Variants in DCAF6 observed in about 807,000 individuals in gnomAD.
DCAF6 encodes DDB1 and CUL4 associated factor 6, also known as DDB1- and CUL4-associated factor 6.
Under a neutral mutation model 125.1 loss-of-function variants are expected in DCAF6, and 54 were observed. That is an observed-to-expected ratio of 0.43 (90% confidence interval 0.35 to 0.54). The LOEUF is 0.54. Ranked by LOEUF, DCAF6 falls within the 20% of genes least tolerant of loss-of-function variation. The probability of loss-of-function intolerance (pLI) is 0.01; values close to 1 mark genes in which losing one functional copy is unlikely to be tolerated. For synonymous variants in DCAF6, 371 were observed against 390.4 expected (o/e 0.95, Z 0.58); for missense variants, 934 against 1,161.7 (o/e 0.80, Z 2.85).
intron 17 of DCAF6, among the ~76,000 whole-genome samples, chr1:168,053,017 T>C (rs968625143): frequency 2.6e-5 from 4 of 152,214 alleles, no homozygotes; most frequent in African/African-American, 9.6e-5. Flanking sequence ...CAGAGGACTA[T>C]TGGAGTTCTC....
chr1:168,071,032 G>A (rs1457723282), intron 21 of DCAF6, among the ~76,000 whole-genome samples: 3 of 152,186 alleles, frequency 2.0e-5, no homozygotes, highest in South Asian at 2.1e-4. Flanking sequence ...TTATTAAATC[G>A]TTCACAGATT....
the DCAF6 span, among the ~76,000 whole-genome samples, chr1:167,881,114 T>A: frequency 6.6e-6 from 1 of 152,326 alleles, no homozygotes; most frequent in East Asian, 1.9e-4. Flanking sequence ...ATTAATGTGT[T>A]ATATATATTC....
the DCAF6 span, chr1:167,880,243 T>C: frequency 9.8e-5 from 146 of 1,486,556 alleles, no homozygotes; most frequent in Middle Eastern, 1.7e-4. Context: ...ATAATGAGCG[T>C]AGAGAAAGTG....
At chr1:167,864,628 A>G in the DCAF6 span, among the ~76,000 whole-genome samples, 1 of 152,166 alleles carries the variant, frequency 6.6e-6, no homozygotes, top group Non-Finnish European at 1.5e-5. Flanking sequence ...TCAAAGAGAG[A>G]AAGAAAAATA....
chr1:167,977,398 A>C (rs896930382), intron 4 of DCAF6, among the ~76,000 whole-genome samples: 4 of 151,986 alleles, frequency 2.6e-5, no homozygotes, highest in Admixed American at 2.6e-4. Context: ...ACTGTATTTC[A>C]GATGGTATTC....
At chr1:168,044,808 T>C (rs1688959481) in intron 15 of DCAF6, 92 bp from the exon 16 acceptor site, 9 of 1,460,826 alleles carry the variant, frequency 6.2e-6, no homozygotes, top group Non-Finnish European at 8.5e-6. Context: ...TTAGACATCA[T>C]ATTAGAATGT....
At chr1:167,867,615 G>A in the DCAF6 span, among the ~76,000 whole-genome samples, 4 of 152,146 alleles carry the variant, frequency 2.6e-5, no homozygotes, top group Admixed American at 2.6e-4. Flanking sequence ...AATGATCACA[G>A]TTTTTTAAAA....
In DCAF6 at chr1:168,063,651, C is replaced by G. The variant is rs1441188990; in HGVS notation, c.2331C>G (p.Phe777Leu). The change falls in exon 18 of 22, where the codon TTC (phenylalanine) becomes TTG (leucine). Residue 777 changes from phenylalanine to leucine, a missense_variant. Coordinates refer to ENST00000367840, the MANE Select transcript of DCAF6 (RefSeq NM_001198956.2). ...RRSAVARIQE[F>L]FRRRKERKEM... ...CTGCTGTTGCCCGTATTCAGGAGTT[C>G]TTCAGACGGAGAAAAGAAAGGAAAG... 12 of 1,599,672 alleles carry G rather than the reference C, an allele frequency of 7.5e-6. No homozygotes were observed. The highest frequency in any genetic ancestry group is 1.4e-5 in the African/African-American group (1 of 73,684).
chr1:168,074,861 C>T (rs1268690258), intron 21 of DCAF6, among the ~76,000 whole-genome samples: 13 of 152,300 alleles, frequency 8.5e-5, no homozygotes, highest in Non-Finnish European at 7.3e-5. Flanking sequence ...TTTATATTCA[C>T]TTGAGTATTT....
chr1:167,919,982 C>G, the DCAF6 span: 1 of 1,609,474 alleles, frequency 6.2e-7, no homozygotes, highest in East Asian at 2.2e-5. Flanking sequence ...GGCTTACCTC[C>G]AAATACGAAA....
chr1:167,878,072 A>G, the DCAF6 span, among the ~76,000 whole-genome samples: 1 of 152,138 alleles, frequency 6.6e-6, no homozygotes, highest in Non-Finnish European at 1.5e-5. Context: ...AATATCTTAT[A>G]CTCTTTTAAC....
chr1:167,944,459 C>G (rs1287359756), intron 1 of DCAF6, among the ~76,000 whole-genome samples: 1 of 151,856 alleles, frequency 6.6e-6, no homozygotes, highest in African/African-American at 2.4e-5. Context: ...CCCTTTTTTT[C>G]ACATGATAAC....
At chr1:168,040,556 T>C (rs1307452831) in intron 13 of DCAF6, among the ~76,000 whole-genome samples, 1 of 151,978 alleles carries the variant, frequency 6.6e-6, no homozygotes, top group African/African-American at 2.4e-5. Flanking sequence ...TTTATAAGTC[T>C]TAGTGCCTGA....
At chr1:168,028,167 C>T (rs978449705) in intron 12 of DCAF6, among the ~76,000 whole-genome samples, 1 of 152,008 alleles carries the variant, frequency 6.6e-6, no homozygotes, top group Non-Finnish European at 1.5e-5. Context: ...TATCTCTCTA[C>T]TATAAGAGGA....
At chr1:167,943,168 C>T (rs570633289) in intron 1 of DCAF6, among the ~76,000 whole-genome samples, 1 of 152,320 alleles carries the variant, frequency 6.6e-6, no homozygotes, top group African/African-American at 2.4e-5. Flanking sequence ...CTTGGCCTAC[C>T]AAAGTGCTGG....
At chr1:167,866,750 T>TAAAAA in the DCAF6 span, among the ~76,000 whole-genome samples, 14 of 123,094 alleles carry the variant, frequency 1.1e-4, no homozygotes, top group Admixed American at 9.2e-4. Context: ...AAAGTTCACT[T>TAAAAA]AAAAAAAAAA....
Position 168,075,784 on chromosome 1 carries a change from G to A in DCAF6, c.*349G>A. 1 of 187,646 alleles carries A rather than the reference G, an allele frequency of 5.3e-6. No individual in the cohort carries two copies. Among genetic ancestry groups the A allele is most frequent in the Non-Finnish European group, 1.1e-5 (1 of 91,642 alleles). 11.6% of individuals were successfully genotyped at this position (187,646 alleles called of 1,614,324 possible). Reference sequence around the variant, plus strand: ...TTGGTTCAAATAAATTTCTACACTTGCCATTTGCATGTTTGTTGCTTTCTA... The same window carrying A: ...TTGGTTCAAATAAATTTCTACACTTACCATTTGCATGTTTGTTGCTTTCTA... On this transcript the variant is annotated 3_prime_UTR_variant, in exon 22 of 22. Transcript: ENST00000367840.
intron 16 of DCAF6, among the ~76,000 whole-genome samples, chr1:168,049,646 AT>A (rs756012977): frequency 0.019 from 1,682 of 90,190 alleles, 5 homozygotes; most frequent in African/African-American, 0.06. Context: ...TCTGCATATA[AT>A]TTTTTTTTTT....
At chr1:168,036,668 T>A (rs1230515762) in intron 12 of DCAF6, among the ~76,000 whole-genome samples, 1 of 152,184 alleles carries the variant, frequency 6.6e-6, no homozygotes, top group Non-Finnish European at 1.5e-5. Flanking sequence ...GGGTCAAGGA[T>A]AGGGCAGATG....
Sources: gnomAD v4.1 joint callset for allele counts (sites outside exome capture counted in the v4.1 genomes callset) on GRCh38, gnomAD v4.1.1 for gene constraint, MANE v1.5 for transcripts, NCBI Gene and HGNC (gene_info 2026-07-23, HGNC 2026-07-21) for gene names.